Variants in PRKG1 observed in about 807,000 individuals in gnomAD.
PRKG1 encodes the protein protein kinase cGMP-dependent 1.
A neutral mutation model predicts 88.1 loss-of-function variants in PRKG1; 35 were observed. That is an observed-to-expected ratio of 0.40 (90% CI 0.30 to 0.53). PRKG1 has a LOEUF of 0.53. Ranked by LOEUF, PRKG1 falls within the 20% of genes least tolerant of loss-of-function variation. The pLI is 0.59. For missense variants in PRKG1, 540 were observed against 839.8 expected (o/e 0.64, Z 4.41); for synonymous variants, 303 against 292.5 (o/e 1.04, Z -0.37).
chr10:52,272,574 T>C (rs1224346103), intron 12 of PRKG1, 93 bp downstream of exon 12: 1 of 874,734 alleles, frequency 1.1e-6, no homozygotes, highest in Non-Finnish European at 1.8e-6. Context: ...ATAATAATCA[T>C]ATTTATAATT....
chr10:51,177,909 C>T (rs966434297), intron 2 of PRKG1, among the ~76,000 whole-genome samples: 1 of 151,552 alleles, frequency 6.6e-6, no homozygotes, highest in East Asian at 1.9e-4. Flanking sequence ...ATACTATAAC[C>T]ATAGTGCCCA....
rs1841171179 is a variant in PRKG1, at chr10:52,251,609, G to C, written c.1116G>C (p.Leu372=). 3 of 1,613,460 alleles carry C rather than the reference G, an allele frequency of 1.9e-6. No homozygotes were observed. In the South Asian group the frequency reaches 3.3e-5, roughly 18 times the overall value. Residue 372 remains leucine, a synonymous_variant, in exon 10 of 18, where the codon CTG becomes CTC. Transcript: ENST00000373980. ...AEAAFFANLK[L]SDFNIIDTLG... ...CGGCTTTCTTCGCCAACCTGAAGCTGTCTGATTTCAACATCATTGATACCC... is the reference window on the plus strand; with the variant it reads ...CGGCTTTCTTCGCCAACCTGAAGCTCTCTGATTTCAACATCATTGATACCC...
chr10:51,214,557 T>C (rs559506078), intron 2 of PRKG1, among the ~76,000 whole-genome samples: 1 of 152,114 alleles, frequency 6.6e-6, no homozygotes, highest in East Asian at 1.9e-4. Flanking sequence ...TCACTGCTCA[T>C]TGAGGCCTCT....
intron 5 of PRKG1, among the ~76,000 whole-genome samples, chr10:51,931,555 G>T (rs1186009977): frequency 6.6e-6 from 1 of 152,202 alleles, no homozygotes; most frequent in Non-Finnish European, 1.5e-5. Context: ...AAGCCAGACA[G>T]GATGTGATAA....
At chr10:51,850,187 T>G (rs777609636) in intron 4 of PRKG1, among the ~76,000 whole-genome samples, 8 of 152,328 alleles carry the variant, frequency 5.3e-5, no homozygotes, top group African/African-American at 1.9e-4. Flanking sequence ...AATATATATA[T>G]TTTTTTGAGA....
intron 3 of PRKG1, among the ~76,000 whole-genome samples, chr10:51,678,916 A>G (rs1255244400): frequency 6.6e-6 from 1 of 152,180 alleles, no homozygotes; most frequent in Non-Finnish European, 1.5e-5. Context: ...GTCTTTGGGG[A>G]CTACTGCAGT....
chr10:51,721,588 A>G (rs1367086341), intron 3 of PRKG1, among the ~76,000 whole-genome samples: 1 of 152,204 alleles, frequency 6.6e-6, no homozygotes, highest in Non-Finnish European at 1.5e-5. Flanking sequence ...GGGAAGCACA[A>G]GGTATAAGGA....
intron 5 of PRKG1, among the ~76,000 whole-genome samples, chr10:51,929,341 C>A (rs1842640918): frequency 1.4e-5 from 2 of 145,172 alleles, no homozygotes; most frequent in Admixed American, 1.4e-4. Context: ...CATCTGAATT[C>A]CTTCCTTTTT....
chr10:51,437,223 C>CT (rs1838959015), intron 2 of PRKG1, among the ~76,000 whole-genome samples: 1 of 152,066 alleles, frequency 6.6e-6, no homozygotes, highest in South Asian at 2.1e-4. Context: ...GCTCTTTCTC[C>CT]TACCTTTTAT....
intron 5 of PRKG1, among the ~76,000 whole-genome samples, chr10:51,927,351 A>G (rs891614910): frequency 1.3e-5 from 2 of 152,088 alleles, no homozygotes; most frequent in Non-Finnish European, 2.9e-5. Context: ...TTCACCTTTC[A>G]TCATGACTGT....
In PRKG1 at chr10:51,819,006, CAAAAAAAAAAAAAAAAAAAA is replaced by C. The variant is rs869048560; in HGVS notation, c.698+14334_698+14353del. ...TGGGCGACAGAGCGAGACTCCGTCT[CAAAAAAAAAAAAAAAAAAAA>C]AAAAAAAAAAAAAAAAAGAATACCA... On this transcript the variant is annotated intron_variant, in intron 4 of 17. Coordinates refer to ENST00000373980, the MANE Select transcript of PRKG1 (RefSeq NM_006258.4). Among the ~76,000 whole-genome samples the C allele has an allele frequency of 3.8e-4, 7 of 18,332 alleles. No homozygotes were observed. The South Asian group carries it at 7.2e-3, about 19-fold the overall frequency. 12.0% of individuals were successfully genotyped at this position (18,332 alleles called of 152,430 possible).
At chr10:51,776,258 T>C (rs1838432749) in intron 3 of PRKG1, among the ~76,000 whole-genome samples, 2 of 152,160 alleles carry the variant, frequency 1.3e-5, no homozygotes, top group Admixed American at 6.5e-5. Flanking sequence ...GTGAGAACTA[T>C]AGTGTATTTG....
chr10:51,902,671 G>A (rs1842005263), intron 4 of PRKG1, among the ~76,000 whole-genome samples: 2 of 152,140 alleles, frequency 1.3e-5, no homozygotes, highest in African/African-American at 4.8e-5. Context: ...TAAGAGCACA[G>A]TAGAAGTGCT....
At chr10:52,166,803 A>ATGTATATATATGTATATATATATGTATG (rs1457237153) in intron 9 of PRKG1, among the ~76,000 whole-genome samples, 1 of 25,472 alleles carries the variant, frequency 3.9e-5, no homozygotes, top group Non-Finnish European at 1.2e-4. Context: ...ATATACATAT[A>ATGTATATATATGTATATATATATGTATG]TATATGTATA....
intron 5 of PRKG1, among the ~76,000 whole-genome samples, chr10:51,943,587 A>G (rs1478056032): frequency 4.4e-4 from 67 of 151,908 alleles, no homozygotes; most frequent in Admixed American, 4.4e-3. Flanking sequence ...ATTGGCTGTG[A>G]GTTTGTCATA....
At chr10:51,137,445 T>A (rs1358439230) in intron 1 of PRKG1, among the ~76,000 whole-genome samples, 1 of 152,142 alleles carries the variant, frequency 6.6e-6, no homozygotes, top group East Asian at 1.9e-4. Context: ...TTTAAAAATC[T>A]CCAATTGACT....
intron 2 of PRKG1, among the ~76,000 whole-genome samples, chr10:51,277,863 T>TG (rs1395404101): frequency 6.6e-6 from 1 of 152,198 alleles, no homozygotes; most frequent in East Asian, 1.9e-4. Flanking sequence ...GCTGAGATGA[T>TG]GGGGTTTTCT....
chr10:51,436,489 T>C (rs1307059494), intron 2 of PRKG1, among the ~76,000 whole-genome samples: 9 of 151,910 alleles, frequency 5.9e-5, no homozygotes, highest in African/African-American at 2.2e-4. Context: ...CAAGGTGCCT[T>C]GAGAAGGGTG....
chr10:51,278,201 A>C (rs1303359534), intron 2 of PRKG1, among the ~76,000 whole-genome samples: 1 of 152,190 alleles, frequency 6.6e-6, no homozygotes, highest in African/African-American at 2.4e-5. Flanking sequence ...TTCTGCATCT[A>C]TTGAGATAAT....
Sources: gnomAD v4.1 joint callset for allele counts (sites outside exome capture counted in the v4.1 genomes callset) on GRCh38, gnomAD v4.1.1 for gene constraint, MANE v1.5 for transcripts, NCBI Gene and HGNC (gene_info 2026-07-23, HGNC 2026-07-21) for gene names.